Variants in NLGN1 observed in about 807,000 individuals in gnomAD.
NLGN1 encodes neuroligin-1.
NLGN1 carries 12 observed loss-of-function variants against 65.5 expected under a neutral mutation model. The ratio of observed to expected loss-of-function variants is 0.18; its 90% CI spans 0.12 to 0.30. NLGN1 has a LOEUF of 0.30. NLGN1 is among the 10% of genes least tolerant of loss of function. NLGN1 has a pLI of 1.00. For missense variants in NLGN1, 750 were observed against 1,007.1 expected (o/e 0.74, Z 3.46); for synonymous variants, 350 against 359.5 (o/e 0.97, Z 0.30).
intron 4 of NLGN1, among the ~76,000 whole-genome samples, chr3:173,839,226 T>C (rs921367177): frequency 6.6e-6 from 1 of 152,032 alleles, no homozygotes; most frequent in Non-Finnish European, 1.5e-5. Context: ...ACTCATAATA[T>C]TCATTGCTCT....
rs1448244872 is a variant in NLGN1 at position 173,415,922 on chromosome 3, G to T, written c.-390+17435G>T. Among the ~76,000 whole-genome samples the T allele has an allele frequency of 3.6e-4, 49 of 136,484 alleles. 2 individuals carry two copies. Among genetic ancestry groups the T allele is most frequent in the African/African-American group, 1.5e-3 (47 of 31,438 alleles). The allele number at this position is 136,484 out of a possible 152,430, so 89.5% of individuals were successfully genotyped here. A position where few individuals can be genotyped will look rare whatever the true frequency, so the allele number is the denominator to read the frequency against. The stretch of plus-strand genomic sequence containing the variant: ...ATATATATAGAGAGAGAGAGAGGGA[G>T]AGAGAGAGAGAGAGAGAGAGAGCTT... On this transcript the variant is annotated intron_variant, in intron 1 of 6. Coordinates refer to ENST00000457714, the Ensembl canonical transcript of NLGN1.
intron 4 of NLGN1, among the ~76,000 whole-genome samples, chr3:174,179,472 G>A (rs543521621): frequency 3.9e-4 from 59 of 152,086 alleles, no homozygotes; most frequent in Non-Finnish European, 6.5e-4. Context: ...CATAGCTGAG[G>A]TCAAATATCA....
At chr3:173,474,584 T>C (rs2148940500) in intron 2 of NLGN1, among the ~76,000 whole-genome samples, 1 of 152,320 alleles carries the variant, frequency 6.6e-6, no homozygotes, top group East Asian at 1.9e-4. Flanking sequence ...GTTTGATTAA[T>C]ATGTATGTAC....
At chr3:173,568,943 G>T (rs1744185342) in intron 2 of NLGN1, among the ~76,000 whole-genome samples, 1 of 152,176 alleles carries the variant, frequency 6.6e-6, no homozygotes, top group African/African-American at 2.4e-5. Context: ...CTCCCAAAGT[G>T]CTGGGATATA....
chr3:173,914,078 G>A (rs561948284), intron 4 of NLGN1, among the ~76,000 whole-genome samples: 1 of 152,236 alleles, frequency 6.6e-6, no homozygotes, highest in African/African-American at 2.4e-5. Context: ...GTTGCTCTGT[G>A]CTTCCTTACA....
At chr3:173,427,947 T>C (rs899150737) in intron 1 of NLGN1, among the ~76,000 whole-genome samples, 2 of 151,718 alleles carry the variant, frequency 1.3e-5, no homozygotes, top group Non-Finnish European at 2.9e-5. Context: ...GTCTGTCTCT[T>C]TCTTTATATT....
chr3:173,440,599 T>C (rs1718987610), intron 2 of NLGN1, among the ~76,000 whole-genome samples: 1 of 152,142 alleles, frequency 6.6e-6, no homozygotes, highest in Non-Finnish European at 1.5e-5. Context: ...AGCTCTTGAG[T>C]GACTAGGTGC....
At chr3:173,667,239 G>GCGCACACACACA (rs150296232) in intron 3 of NLGN1, among the ~76,000 whole-genome samples, 4 of 147,448 alleles carry the variant, frequency 2.7e-5, no homozygotes, top group Non-Finnish European at 4.5e-5. Flanking sequence ...ACACGCATAT[G>GCGCACACACACA]CACACACACA....
In NLGN1 at chr3:173,998,020, T is replaced by A. The variant is rs774874576; in HGVS notation, c.646+190188T>A. ...ACGAGTTTCTGTATGGACTGAGCCA[T>A]ACTTGAGATTAGCCAAGGAGATGGC... On this transcript the variant is annotated intron_variant, in intron 4 of 6. Coordinates refer to ENST00000457714, the Ensembl canonical transcript of NLGN1. 2.2e-4 allele frequency among the ~76,000 whole-genome samples: 33 copies of A among 152,120 alleles called. 1 individual carries two copies. The highest frequency in any genetic ancestry group is 1.2e-3 in the Admixed American group (18 of 15,252).
At chr3:174,064,045 G>A (rs1737957446) in intron 4 of NLGN1, among the ~76,000 whole-genome samples, 1 of 152,114 alleles carries the variant, frequency 6.6e-6, no homozygotes, top group Admixed American at 6.5e-5. Flanking sequence ...GGGAGGCTGA[G>A]GCAGTAGAGC....
At chr3:173,580,056 C>T (rs577518593) in intron 2 of NLGN1, among the ~76,000 whole-genome samples, 6 of 152,184 alleles carry the variant, frequency 3.9e-5, no homozygotes, top group Admixed American at 1.3e-4. Context: ...CATCCTAAAA[C>T]GTTTATCACA....
intron 2 of NLGN1, among the ~76,000 whole-genome samples, chr3:173,561,887 A>G (rs1330241598): frequency 2.0e-5 from 3 of 152,238 alleles, no homozygotes; most frequent in African/African-American, 7.2e-5. Flanking sequence ...ACAAGGTATA[A>G]TCTGCTGAAG....
chr3:173,574,122 A>G (rs1398983338), intron 2 of NLGN1, among the ~76,000 whole-genome samples: 3 of 151,528 alleles, frequency 2.0e-5, no homozygotes, highest in African/African-American at 4.8e-5. Context: ...TTATATCATG[A>G]AAGTTCATTT....
intron 4 of NLGN1, among the ~76,000 whole-genome samples, chr3:174,142,945 C>T (rs1372369003): frequency 6.6e-6 from 1 of 152,088 alleles, no homozygotes; most frequent in Admixed American, 6.5e-5. Context: ...AGGAAACTTA[C>T]AATCATGGTG....
chr3:174,086,258 CATATATATATTTATGTATGTGCATAAAT>C (rs1743296237), intron 4 of NLGN1, among the ~76,000 whole-genome samples: 6 of 1,806 alleles, frequency 3.3e-3, no homozygotes, highest in Non-Finnish European at 0.012. Flanking sequence ...TATGTGCATA[CATATATATATTTATGTATGTGCATAAAT>C]ATATATATAT....
chr3:173,408,833 A>G (rs1458017723), intron 1 of NLGN1, among the ~76,000 whole-genome samples: 2 of 150,168 alleles, frequency 1.3e-5, no homozygotes, highest in Admixed American at 6.7e-5. Context: ...AATGGTGTGA[A>G]CCCGGGAGGC....
Position 173,463,353 on chromosome 3 carries a change from G to A in NLGN1, c.-321+28275G>A, listed in dbSNP as rs547775589. On this transcript the variant is annotated intron_variant, in intron 2 of 6. Coordinates refer to ENST00000457714, the Ensembl canonical transcript of NLGN1. ...AAATGTGCTTGTTCTTAATTGTAAC[G>A]CTGTGTTTTCCCCACACTTGAAATT... Among the ~76,000 whole-genome samples the A allele has an allele frequency of 6.6e-5, 10 of 152,126 alleles. No individual in the cohort carries two copies. The South Asian group carries it at 2.1e-3, about 32-fold the overall frequency.
At chr3:173,820,237 A>C (rs1210173110) in intron 4 of NLGN1, among the ~76,000 whole-genome samples, 1 of 151,788 alleles carries the variant, frequency 6.6e-6, no homozygotes, top group Non-Finnish European at 1.5e-5. Context: ...CCTCAATACC[A>C]GTGGCAAGAA....
At chr3:173,640,015 A>G (rs903080293) in intron 3 of NLGN1, among the ~76,000 whole-genome samples, 8 of 151,774 alleles carry the variant, frequency 5.3e-5, no homozygotes, top group African/African-American at 1.5e-4. Context: ...CTAAACTGCA[A>G]TATTCTAATT....
Sources: gnomAD v4.1 joint callset for allele counts (sites outside exome capture counted in the v4.1 genomes callset) on GRCh38, gnomAD v4.1.1 for gene constraint, MANE v1.5 for transcripts, NCBI Gene and HGNC (gene_info 2026-07-23, HGNC 2026-07-21) for gene names.